The following PARD3 variants were observed in gnomAD, a reference collection of about 807,000 sequenced individuals.
The protein encoded by PARD3 is par-3 family cell polarity regulator.
PARD3 carries 75 observed loss-of-function variants against 155.4 expected under a neutral mutation model. The observed-to-expected ratio is 0.48, with a 90% CI of 0.40 to 0.58. The LOEUF (loss-of-function observed/expected upper bound fraction) is 0.58. Ranked by LOEUF, PARD3 falls within the 20% of genes least tolerant of loss-of-function variation. PARD3 has a pLI of 0.00. For missense variants in PARD3, 1,642 were observed against 1,721.7 expected (o/e 0.95, Z 0.82); for synonymous variants, 576 against 610.5 (o/e 0.94, Z 0.83).
At chr10:34,483,556 T>C (rs78470473) in intron 3 of PARD3, among the ~76,000 whole-genome samples, 2,480 of 151,192 alleles carry the variant, frequency 0.016, 36 homozygotes, top group Middle Eastern at 0.035. Flanking sequence ...TTATTTATAA[T>C]ATTGCTTTTC....
At position 34,569,030 on chromosome 10, in the gene PARD3, G is replaced by A. The variant is rs547322817; in HGVS notation, c.223-51871C>T. 2.0e-5 allele frequency among the ~76,000 whole-genome samples: 3 copies of A among 152,210 alleles called. No homozygotes were observed. In the South Asian group the frequency reaches 6.2e-4, roughly 32 times the overall value. ...AAAGTCCTGTTCATGCTAAGTAAAA[G>A]TATTAAAAAATATTTAATGCCAGAT... is the stretch of plus-strand genomic sequence containing the variant. On this transcript the variant is annotated intron_variant, in intron 2 of 24. Coordinates refer to ENST00000374788, the MANE Select transcript of PARD3 (RefSeq NM_001184785.2).
chr10:34,541,312 G>A (rs1322340808), intron 2 of PARD3, among the ~76,000 whole-genome samples: 1 of 152,130 alleles, frequency 6.6e-6, no homozygotes, highest in Non-Finnish European at 1.5e-5. Flanking sequence ...TAAGAACTGA[G>A]AACTATAAAT....
intron 23 of PARD3, among the ~76,000 whole-genome samples, chr10:34,122,397 C>T (rs931217348): frequency 1.3e-5 from 2 of 152,102 alleles, no homozygotes. Flanking sequence ...ACACTGTTCG[C>T]CTCAAACTTT....
At chr10:34,245,426 C>T (rs984980586) in intron 22 of PARD3, among the ~76,000 whole-genome samples, 2 of 151,666 alleles carry the variant, frequency 1.3e-5, no homozygotes, top group South Asian at 2.1e-4. Flanking sequence ...TTGATTCTGC[C>T]GTCGTTCTTT....
At chr10:34,347,624 A>C (rs576057121) in intron 15 of PARD3, among the ~76,000 whole-genome samples, 2 of 152,296 alleles carry the variant, frequency 1.3e-5, no homozygotes, top group East Asian at 3.9e-4. Flanking sequence ...CAAGCCATTA[A>C]ATTTTGATTT....
At chr10:34,310,517 T>C (rs1188879346) in intron 20 of PARD3, among the ~76,000 whole-genome samples, 2 of 152,150 alleles carry the variant, frequency 1.3e-5, no homozygotes, top group African/African-American at 4.8e-5. Context: ...ATGCCACAGG[T>C]CTATGGAAAA....
intron 2 of PARD3, among the ~76,000 whole-genome samples, chr10:34,586,545 G>C (rs1590121167): frequency 6.6e-6 from 1 of 151,978 alleles, no homozygotes; most frequent in South Asian, 2.1e-4. Flanking sequence ...CACTATAGGG[G>C]GAAAAAATAT....
chr10:34,296,484 C>T (rs1392068135), intron 20 of PARD3, among the ~76,000 whole-genome samples: 1 of 152,170 alleles, frequency 6.6e-6, no homozygotes, highest in Admixed American at 6.6e-5. Flanking sequence ...CTGTCTCGGC[C>T]TCCCAAAGTG....
chr10:34,619,119 T>C (rs2132692603), intron 2 of PARD3, among the ~76,000 whole-genome samples: 1 of 151,802 alleles, frequency 6.6e-6, no homozygotes, highest in South Asian at 2.1e-4. Flanking sequence ...GGCATGATCT[T>C]GGCTCACTGC....
chr10:34,525,491 G>C (rs2082410831), intron 2 of PARD3, among the ~76,000 whole-genome samples: 1 of 152,094 alleles, frequency 6.6e-6, no homozygotes, highest in Non-Finnish European at 1.5e-5. Flanking sequence ...CTCACCTATG[G>C]GTATATGTTC....
intron 2 of PARD3, among the ~76,000 whole-genome samples, chr10:34,679,317 G>C (rs7078696): frequency 0.049 from 7,524 of 152,210 alleles, 572 homozygotes; most frequent in African/African-American, 0.16. Flanking sequence ...CAGTCAAACA[G>C]GCCGGAGGTA....
intron 1 of PARD3, among the ~76,000 whole-genome samples, chr10:34,753,335 G>A (rs763067712): frequency 3.3e-5 from 5 of 152,214 alleles, no homozygotes; most frequent in Non-Finnish European, 5.9e-5. Context: ...ACAGGCAGAC[G>A]ACTGGTGCAA....
intron 22 of PARD3, among the ~76,000 whole-genome samples, chr10:34,142,376 T>C (rs533797194): frequency 6.9e-6 from 1 of 144,318 alleles, no homozygotes; most frequent in Admixed American, 6.9e-5. Flanking sequence ...ACCCCATCTC[T>C]AAAAAAAAAA....
chr10:34,509,939 T>C (rs1478147933), intron 3 of PARD3, among the ~76,000 whole-genome samples: 1 of 152,206 alleles, frequency 6.6e-6, no homozygotes, highest in Non-Finnish European at 1.5e-5. Context: ...CAAACACTTT[T>C]GCCACTCAAC....
chr10:34,598,173 T>C (rs1454760486), intron 2 of PARD3, among the ~76,000 whole-genome samples: 2 of 152,120 alleles, frequency 1.3e-5, no homozygotes, highest in Non-Finnish European at 2.9e-5. Flanking sequence ...CTTAGGACAC[T>C]GAAGAAGAGA....
intron 20 of PARD3, among the ~76,000 whole-genome samples, chr10:34,316,035 T>G (rs1043752396): frequency 1.3e-5 from 2 of 152,172 alleles, no homozygotes; most frequent in Non-Finnish European, 2.9e-5. Context: ...TATCTATACC[T>G]CCCTGAGTTA....
At chr10:34,280,428 C>T (rs576101039) in intron 21 of PARD3, among the ~76,000 whole-genome samples, 1 of 152,142 alleles carries the variant, frequency 6.6e-6, no homozygotes, top group African/African-American at 2.4e-5. Flanking sequence ...TGGGTTTCTC[C>T]CAAATTTTTC....
chr10:34,268,251 A>G (rs918175605), intron 22 of PARD3, among the ~76,000 whole-genome samples: 14 of 152,088 alleles, frequency 9.2e-5, no homozygotes, highest in Admixed American at 1.3e-4. Flanking sequence ...ACCAGTTAGA[A>G]TGGTGATCAT....
chr10:34,267,644 T>C (rs890943280), intron 22 of PARD3, among the ~76,000 whole-genome samples: 1 of 152,206 alleles, frequency 6.6e-6, no homozygotes, highest in African/African-American at 2.4e-5. Flanking sequence ...CAAACCTCTA[T>C]TAAAAACAAC....
Sources: allele counts gnomAD v4.1 joint callset (sites outside exome capture counted in the v4.1 genomes callset), GRCh38; gene constraint gnomAD v4.1.1; transcripts MANE v1.5; gene names NCBI Gene and HGNC (gene_info 2026-07-23, HGNC 2026-07-21).